Variants in GAB2 observed in about 807,000 individuals in gnomAD.
GAB2 encodes the protein GRB2-associated-binding protein 2.
Under a neutral mutation model 65.5 loss-of-function variants are expected in GAB2, and 26 were observed. The ratio of observed to expected loss-of-function variants is 0.40; its 90% CI spans 0.29 to 0.55. GAB2 has a LOEUF of 0.55. GAB2 is among the 20% of genes least tolerant of loss of function. The pLI is 0.53. For synonymous variants in GAB2, 321 were observed against 329.6 expected (o/e 0.97, Z 0.28); for missense variants, 884 against 875.8 (o/e 1.01, Z -0.12).
intron 9 of GAB2, 59 bp downstream of exon 9, chr11:78,220,260 G>A: frequency 6.3e-7 from 1 of 1,597,550 alleles, no homozygotes; most frequent in Non-Finnish European, 8.5e-7. Context: ...TGGCCTCCAT[G>A]ATCTCTGCCT....
intron 1 of GAB2, among the ~76,000 whole-genome samples, chr11:78,311,700 TTTG>T (rs1477467551): frequency 2.0e-5 from 3 of 152,202 alleles, no homozygotes; most frequent in African/African-American, 7.2e-5. Context: ...CCTCCATGCA[TTTG>T]TTTATTCATT....
intron 1 of GAB2, among the ~76,000 whole-genome samples, chr11:78,309,640 AT>A (rs145793242): frequency 0.027 from 4,175 of 151,912 alleles, 151 homozygotes; most frequent in African/African-American, 0.087. Context: ...CCTGGCTAAT[AT>A]TTTTTTAAAA....
At chr11:78,357,297 A>T (rs911107709) in intron 1 of GAB2, among the ~76,000 whole-genome samples, 1 of 152,196 alleles carries the variant, frequency 6.6e-6, no homozygotes, top group Admixed American at 6.5e-5. Context: ...AAGTGTGGGC[A>T]ATACATCTAC....
chr11:78,365,272 T>C (rs1856482470), intron 1 of GAB2, among the ~76,000 whole-genome samples: 1 of 152,200 alleles, frequency 6.6e-6, no homozygotes, highest in Non-Finnish European at 1.5e-5. Context: ...CTCACCTGAT[T>C]GCCAGTCCAT....
chr11:78,345,290 A>C (rs558154041), intron 1 of GAB2, among the ~76,000 whole-genome samples: 1 of 152,280 alleles, frequency 6.6e-6, no homozygotes, highest in South Asian at 2.1e-4. Context: ...AAAAACAAAA[A>C]ACTGTACCCA....
chr11:78,308,466 T>C (rs946607666), intron 1 of GAB2, among the ~76,000 whole-genome samples: 7 of 152,144 alleles, frequency 4.6e-5, no homozygotes, highest in Non-Finnish European at 1.0e-4. Flanking sequence ...GACAGGATCC[T>C]GGAGGACCTT....
At chr11:78,255,885 T>C (rs1455946414) in intron 2 of GAB2, among the ~76,000 whole-genome samples, 3 of 152,218 alleles carry the variant, frequency 2.0e-5, no homozygotes, top group East Asian at 3.8e-4. Flanking sequence ...GTGTGCTACA[T>C]GTAACAGAAA....
At chr11:78,274,866 C>G (rs1866123599) in intron 2 of GAB2, among the ~76,000 whole-genome samples, 1 of 152,106 alleles carries the variant, frequency 6.6e-6, no homozygotes, top group Admixed American at 6.5e-5. Flanking sequence ...TCCAGGAGAA[C>G]AGGGACAAAA....
At chr11:78,376,477 C>T (rs1856632474) in intron 1 of GAB2, among the ~76,000 whole-genome samples, 1 of 152,130 alleles carries the variant, frequency 6.6e-6, no homozygotes, top group African/African-American at 2.4e-5. Flanking sequence ...AGAATACTTG[C>T]CTAGTTAGTA....
At chr11:78,268,895 C>T (rs190746216) in intron 2 of GAB2, among the ~76,000 whole-genome samples, 9 of 152,152 alleles carry the variant, frequency 5.9e-5, no homozygotes, top group East Asian at 5.8e-4. Flanking sequence ...GAAACATTTG[C>T]GAGGATTTTA....
chr11:78,366,952 C>T (rs1856505929), intron 1 of GAB2, among the ~76,000 whole-genome samples: 1 of 151,896 alleles, frequency 6.6e-6, no homozygotes, highest in Non-Finnish European at 1.5e-5. Flanking sequence ...ATTTAAGCTT[C>T]CATTATGTGC....
rs369315435 is a variant in GAB2 at position 78,312,304 on chromosome 11, C to A, written c.76-31403G>T. On this transcript the variant is annotated intron_variant, in intron 1 of 9. Transcript: ENST00000361507. ...TGGTCTTTACCACCACCACCACCACCACCACCACAACAAAAACAAAATACA... is the reference window on the plus strand; with the variant it reads ...TGGTCTTTACCACCACCACCACCACAACCACCACAACAAAAACAAAATACA... Among the ~76,000 whole-genome samples the A allele has an allele frequency of 3.0e-4, 46 of 152,262 alleles. No homozygotes were observed. In the East Asian group the frequency reaches 5.6e-3, roughly 19 times the overall value.
chr11:78,377,107 C>T (rs1490592323), intron 1 of GAB2, among the ~76,000 whole-genome samples: 1 of 152,240 alleles, frequency 6.6e-6, no homozygotes, highest in Non-Finnish European at 1.5e-5. Context: ...ATGCCAGCAA[C>T]ATGCTTCTGG....
chr11:78,352,101 T>C (rs982768061), intron 1 of GAB2, among the ~76,000 whole-genome samples: 1 of 152,076 alleles, frequency 6.6e-6, no homozygotes, highest in South Asian at 2.1e-4. Context: ...TAATCCCAGA[T>C]ACTTGGGAGG....
intron 1 of GAB2, among the ~76,000 whole-genome samples, chr11:78,373,107 G>C (rs1856592099): frequency 6.6e-6 from 1 of 151,986 alleles, no homozygotes; most frequent in African/African-American, 2.4e-5. Flanking sequence ...GGAAGACTGT[G>C]AATACTAATA....
chr11:78,305,096 C>T (rs1855329150), intron 1 of GAB2, among the ~76,000 whole-genome samples: 1 of 152,122 alleles, frequency 6.6e-6, no homozygotes, highest in Admixed American at 6.6e-5. Context: ...CTGATGAGAC[C>T]TCAGAATATA....
intron 6 of GAB2, 139 bp from the exon 7 acceptor site, chr11:78,222,334 G>A (rs569877796): frequency 7.8e-6 from 5 of 638,684 alleles, no homozygotes; most frequent in East Asian, 2.8e-5. Flanking sequence ...GACGCTCAGC[G>A]AGGTTGTATA....
intron 1 of GAB2, among the ~76,000 whole-genome samples, chr11:78,363,836 A>G (rs1193257780): frequency 1.3e-5 from 2 of 151,922 alleles, no homozygotes; most frequent in African/African-American, 4.8e-5. Context: ...CACCCACCTC[A>G]GCCTCCCAAA....
intron 1 of GAB2, among the ~76,000 whole-genome samples, chr11:78,323,784 A>ATCTT (rs932386258): frequency 4.0e-4 from 50 of 125,944 alleles, no homozygotes; most frequent in African/African-American, 1.1e-3. Flanking sequence ...TACCCCCTGA[A>ATCTT]TCTTTCTTTT....
Sources: allele counts gnomAD v4.1 joint callset (sites outside exome capture counted in the v4.1 genomes callset), GRCh38; gene constraint gnomAD v4.1.1; transcripts MANE v1.5; gene names NCBI Gene and HGNC (gene_info 2026-07-23, HGNC 2026-07-21).